Variants in TNIK observed in about 807,000 individuals in gnomAD.
The protein encoded by TNIK is TRAF2 and NCK-interacting protein kinase.
A neutral mutation model predicts 191.3 loss-of-function variants in TNIK; 49 were observed. The observed-to-expected ratio is 0.26, with a 90% CI of 0.20 to 0.32. The LOEUF (loss-of-function observed/expected upper bound fraction) is 0.32. Among genes scored for constraint, TNIK ranks in the 10% least tolerant of loss-of-function variants. TNIK has a pLI of 1.00. For synonymous variants in TNIK, 594 were observed against 600.9 expected (o/e 0.99, Z 0.17); for missense variants, 1,155 against 1,702.3 (o/e 0.68, Z 5.66).
At chr3:171,174,372 AG>A (rs1171581381) in intron 9 of TNIK, among the ~76,000 whole-genome samples, 4 of 152,196 alleles carry the variant, frequency 2.6e-5, no homozygotes, top group Non-Finnish European at 5.9e-5. Context: ...CTCTAGAAAA[AG>A]GATAGGAGGT....
chr3:171,429,646 G>A (rs1220863202), intron 1 of TNIK, among the ~76,000 whole-genome samples: 1 of 152,116 alleles, frequency 6.6e-6, no homozygotes, highest in Non-Finnish European at 1.5e-5. Context: ...AATACAGCAA[G>A]AATCACTTCT....
At position 171,138,368 on chromosome 3, in the gene TNIK, G is replaced by T; in HGVS notation, c.1431C>A (p.Arg477=). ...HEQALLLEYK[R]KQLEEQRQAE... is the part of the protein sequence containing the mutation. ...CTTGTCTCTGTTCTTCCAATTGTTT[G>T]CGCTTATATTCCTGTCCAGATCAGG... Residue 477 remains arginine (R), a synonymous_variant, in exon 15 of 33, where the codon CGC becomes CGA. Coordinates refer to ENST00000436636, the MANE Select transcript of TNIK (RefSeq NM_015028.4). The T allele has an allele frequency of 6.3e-7, 1 of 1,599,964 alleles. No homozygotes were observed. Among genetic ancestry groups the T allele is most frequent in the Non-Finnish European group, 8.5e-7 (1 of 1,174,378 alleles).
At chr3:171,413,279 C>T (rs750193376) in intron 1 of TNIK, among the ~76,000 whole-genome samples, 6 of 152,158 alleles carry the variant, frequency 3.9e-5, no homozygotes, top group African/African-American at 7.2e-5. Flanking sequence ...GGTTTCAGAG[C>T]CATCTGAGGA....
intron 2 of TNIK, among the ~76,000 whole-genome samples, chr3:171,240,338 C>T (rs1744805418): frequency 1.3e-5 from 2 of 152,162 alleles, no homozygotes; most frequent in Non-Finnish European, 2.9e-5. Flanking sequence ...CGAGGAAAGG[C>T]TTTGAAAGAG....
chr3:171,196,300 G>A lies in TNIK; in HGVS notation c.307-1665C>T, dbSNP rs144099658. The stretch of plus-strand genomic sequence containing the variant: ...TAATAAGCTAGCAGACTCAGGCAGT[G>A]ATCATCAATGACTGTTAACATTTTA... On this transcript the variant is annotated intron_variant, in intron 4 of 32. Transcript: ENST00000436636. Among the ~76,000 whole-genome samples, 508 of 152,188 alleles carry A rather than the reference G, an allele frequency of 3.3e-3. 3 individuals are homozygous for A. Among genetic ancestry groups the A allele is most frequent in the African/African-American group, 0.012 (498 of 41,530 alleles).
chr3:171,229,915 G>A (rs1475238856), intron 2 of TNIK, among the ~76,000 whole-genome samples: 2 of 152,074 alleles, frequency 1.3e-5, no homozygotes, highest in African/African-American at 2.4e-5. Flanking sequence ...AAGAGCCCTG[G>A]ACCAGAATCC....
intron 7 of TNIK, among the ~76,000 whole-genome samples, chr3:171,181,158 G>T (rs1736603833): frequency 6.6e-6 from 1 of 152,224 alleles, no homozygotes; most frequent in South Asian, 2.1e-4. Flanking sequence ...AGGCTTTTAA[G>T]ACAGGCAGAT....
chr3:171,197,432 T>A (rs1738845692), intron 4 of TNIK, among the ~76,000 whole-genome samples: 1 of 152,014 alleles, frequency 6.6e-6, no homozygotes, highest in Admixed American at 6.6e-5. Flanking sequence ...TAAGCATTTG[T>A]GAATGAAAGG....
intron 10 of TNIK, among the ~76,000 whole-genome samples, chr3:171,166,292 T>A (rs1734611567): frequency 6.6e-6 from 1 of 152,250 alleles, no homozygotes; most frequent in Non-Finnish European, 1.5e-5. Flanking sequence ...CCCTTACCCA[T>A]CCAACCTTAG....
At chr3:171,080,159 C>T (rs1051248224) in intron 27 of TNIK, among the ~76,000 whole-genome samples, 1 of 150,666 alleles carries the variant, frequency 6.6e-6, no homozygotes, top group Non-Finnish European at 1.5e-5. Flanking sequence ...GAATACTGAA[C>T]AAAAATAGGA....
chr3:171,423,064 G>A (rs1488048487), intron 1 of TNIK, among the ~76,000 whole-genome samples: 1 of 152,104 alleles, frequency 6.6e-6, no homozygotes, highest in African/African-American at 2.4e-5. Context: ...CATGTGCATA[G>A]GTATTTATTG....
At chr3:171,346,805 G>A (rs746148408) in intron 2 of TNIK, 19 of 176,518 alleles carry the variant, frequency 1.1e-4, no homozygotes, top group Admixed American at 3.7e-4. Flanking sequence ...AGTATGTCTG[G>A]ATCCCAGAGA....
chr3:171,347,052 T>A, intron 2 of TNIK: 1 of 1,330,958 alleles, frequency 7.5e-7, no homozygotes, highest in Non-Finnish European at 1.0e-6. Flanking sequence ...GCAATGCCTG[T>A]GCTAGGACAG....
At chr3:171,210,516 C>T (rs1740669473) in intron 4 of TNIK, among the ~76,000 whole-genome samples, 1 of 152,120 alleles carries the variant, frequency 6.6e-6, no homozygotes. Flanking sequence ...CTAGGGGAAA[C>T]ATGAAAGGAA....
intron 1 of TNIK, among the ~76,000 whole-genome samples, chr3:171,453,456 T>C (rs1483053510): frequency 6.6e-6 from 1 of 151,978 alleles, no homozygotes; most frequent in Admixed American, 6.6e-5. Flanking sequence ...AATTGTTCCC[T>C]GCCGCAATGG....
chr3:171,125,886 A>T (rs536803534), intron 17 of TNIK, 26 bp downstream of exon 17: 50 of 1,606,876 alleles, frequency 3.1e-5, no homozygotes, highest in Admixed American at 1.0e-4. Flanking sequence ...GCTGGTGATT[A>T]AAAAAAACAC....
chr3:171,249,056 T>A (rs1248737538), intron 2 of TNIK, among the ~76,000 whole-genome samples: 1 of 152,256 alleles, frequency 6.6e-6, no homozygotes, highest in Admixed American at 6.5e-5. Context: ...CTCTGGTTAT[T>A]ACCCATAGTG....
At chr3:171,293,437 T>C (rs1751913853) in intron 2 of TNIK, among the ~76,000 whole-genome samples, 1 of 152,246 alleles carries the variant, frequency 6.6e-6, no homozygotes, top group African/African-American at 2.4e-5. Context: ...TTAAGGTGAC[T>C]GAGACAGAAC....
chr3:171,066,969 C>A (rs571239332), intron 30 of TNIK, among the ~76,000 whole-genome samples: 1 of 152,138 alleles, frequency 6.6e-6, no homozygotes, highest in Non-Finnish European at 1.5e-5. Context: ...ATCTATGGCA[C>A]ACCTACTATG....
Sources: gnomAD v4.1 joint callset for allele counts (sites outside exome capture counted in the v4.1 genomes callset) on GRCh38, gnomAD v4.1.1 for gene constraint, MANE v1.5 for transcripts, NCBI Gene and HGNC (gene_info 2026-07-23, HGNC 2026-07-21) for gene names.